Variants in KIAA1549 observed in about 807,000 individuals in gnomAD.
The protein encoded by KIAA1549 is UPF0606 protein KIAA1549.
Under a neutral mutation model 156.4 loss-of-function variants are expected in KIAA1549, and 70 were observed. The observed-to-expected ratio is 0.45, with a 90% confidence interval of 0.37 to 0.55. KIAA1549 has a LOEUF of 0.55. Ranked by LOEUF, KIAA1549 falls within the 20% of genes least tolerant of loss-of-function variation. The pLI is 0.00. For synonymous variants in KIAA1549, 1,103 were observed against 1,066.4 expected, an observed-to-expected ratio of 1.03 and a Z score of -0.67; for missense variants, 2,428 against 2,540.9, an observed-to-expected ratio of 0.96 and a Z score of 0.96.
At chr7:138,844,675 C>T (rs1810022946) in intron 17 of KIAA1549, among the ~76,000 whole-genome samples, 1 of 152,148 alleles carries the variant, frequency 6.6e-6, no homozygotes, top group Non-Finnish European at 1.5e-5. Flanking sequence ...CTACCTCCAG[C>T]ACTAGAACAG....
intron 1 of KIAA1549, among the ~76,000 whole-genome samples, chr7:138,956,216 G>A (rs918634512): frequency 6.6e-6 from 1 of 152,204 alleles, no homozygotes; most frequent in South Asian, 2.1e-4. Flanking sequence ...CATGGAACAG[G>A]TCTGGAATGA....
chr7:138,959,336 T>C (rs1813767928), intron 1 of KIAA1549, among the ~76,000 whole-genome samples: 1 of 152,180 alleles, frequency 6.6e-6, no homozygotes, highest in Non-Finnish European at 1.5e-5. Context: ...TTTATCTACA[T>C]ATTCATGCAT....
At chr7:138,857,528 TC>T (rs1239108217) in intron 16 of KIAA1549, among the ~76,000 whole-genome samples, 3 of 152,344 alleles carry the variant, frequency 2.0e-5, no homozygotes, top group Non-Finnish European at 4.4e-5. Context: ...AAACTGTTTT[TC>T]AAAGTGGTTG....
intron 12 of KIAA1549, among the ~76,000 whole-genome samples, chr7:138,874,720 G>A (rs1811030717): frequency 6.6e-6 from 1 of 152,168 alleles, no homozygotes; most frequent in South Asian, 2.1e-4. Flanking sequence ...AGCACAACTA[G>A]AGGCTGGACA....
rs141494474 is a variant in KIAA1549 at position 138,893,381 on chromosome 7, G to T, written c.4032+961C>A. ...TTTGCTCTTCTCTAAGATAGGGAGT[G>T]GGGGGAGGTATTAAAAATCGAGAGA... On this transcript the variant is annotated intron_variant, in intron 10 of 19. Transcript: ENST00000422774. Among the ~76,000 whole-genome samples the T allele has an allele frequency of 9.9e-4, 151 of 151,862 alleles. 2 individuals are homozygous for T. In the East Asian group the frequency reaches 0.025, roughly 25 times the overall value.
intron 1 of KIAA1549, among the ~76,000 whole-genome samples, chr7:138,974,830 G>T (rs988447052): frequency 6.6e-6 from 1 of 150,952 alleles, no homozygotes; most frequent in African/African-American, 2.4e-5. Flanking sequence ...TATGGTTCTT[G>T]CACACTATTT....
chr7:138,869,664 A>G lies in KIAA1549; in HGVS notation c.4649T>C (p.Val1550Ala). Residue 1550 changes from valine (V) to alanine (A), a missense_variant, in exon 14 of 20, where the codon GTA (valine) becomes GCA (alanine). Val to Ala is a moderately conservative substitution (Grantham distance 64). Around this residue, in one of 5 missense-constraint regions of KIAA1549, gnomAD observed 404 missense variants for 417.0 expected, o/e 0.97. Coordinates refer to ENST00000422774, the MANE Select transcript of KIAA1549 (RefSeq NM_001164665.2). ...AGTGTCGCCCGAGGACAGGTCGTCT[A>G]CCACCGGGAACTCGTAGTGCCCGCG... is the stretch of plus-strand genomic sequence containing the variant. ...KRRGHYEFPV[V>A]DDLSSGDTKE... 7 of 1,612,236 alleles carry G rather than the reference A, an allele frequency of 4.3e-6. No individual in the cohort carries two copies. The highest frequency in any genetic ancestry group is 5.9e-6 in the Non-Finnish European group (7 of 1,179,796).
intron 1 of KIAA1549, among the ~76,000 whole-genome samples, chr7:138,950,793 G>A (rs1813473594): frequency 6.6e-6 from 1 of 152,058 alleles, no homozygotes; most frequent in Non-Finnish European, 1.5e-5. Context: ...GATCTCCCCG[G>A]GGGCTGAAAC....
intron 1 of KIAA1549, among the ~76,000 whole-genome samples, chr7:138,978,290 C>T (rs541846568): frequency 1.8e-4 from 28 of 152,208 alleles, no homozygotes; most frequent in African/African-American, 6.5e-4. Flanking sequence ...AAATTCCCTA[C>T]AAAGCAATCT....
chr7:138,902,267 G>A (rs977063522), intron 8 of KIAA1549, among the ~76,000 whole-genome samples: 2 of 152,130 alleles, frequency 1.3e-5, no homozygotes, highest in African/African-American at 2.4e-5. Context: ...GCTAGAGGAC[G>A]ATGATGCAGT....
intron 15 of KIAA1549, among the ~76,000 whole-genome samples, chr7:138,867,023 C>T (rs1483020955): frequency 6.6e-6 from 1 of 151,954 alleles, no homozygotes; most frequent in East Asian, 1.9e-4. Flanking sequence ...GGCTGGTCTC[C>T]AACACCTGGG....
chr7:138,940,388 C>A (rs1303805443), intron 1 of KIAA1549, among the ~76,000 whole-genome samples: 1 of 150,796 alleles, frequency 6.6e-6, no homozygotes, highest in Non-Finnish European at 1.5e-5. Flanking sequence ...TGTATATGTG[C>A]CACATTTTCT....
chr7:138,838,122 C>A lies in KIAA1549; in HGVS notation c.5637G>T (p.Pro1879=). Residue 1879 remains proline (P), a synonymous_variant, in exon 20 of 20, where the codon CCG becomes CCT. Transcript: ENST00000422774. ...MLGHQEYSSS[P]LFQVPRTSGR... ...CTGAAGTCCTTGGCACCTGAAATAG[C>A]GGTGAAGAAGAATACTCTTGATGTC... 6.5e-7 allele frequency: 1 copy of A among 1,529,008 alleles called. No individual in the cohort carries two copies. The allele number at this position is 1,529,008 out of a possible 1,614,324, so 94.7% of individuals were successfully genotyped here.
intron 1 of KIAA1549, among the ~76,000 whole-genome samples, chr7:138,941,813 A>T (rs56293334): frequency 0.063 from 9,568 of 152,272 alleles, 351 homozygotes; most frequent in East Asian, 0.13. Flanking sequence ...AGGGAAGGGA[A>T]GCAGGAGACA....
intron 18 of KIAA1549, among the ~76,000 whole-genome samples, chr7:138,841,192 T>C (rs930303645): frequency 6.6e-5 from 10 of 152,244 alleles, no homozygotes; most frequent in African/African-American, 2.2e-4. Flanking sequence ...AGCCTGGCTC[T>C]TTCTTGCTTG....
At chr7:138,839,260 G>A (rs909404758) in intron 19 of KIAA1549, among the ~76,000 whole-genome samples, 2 of 152,100 alleles carry the variant, frequency 1.3e-5, no homozygotes, top group Non-Finnish European at 2.9e-5. Flanking sequence ...GTAGCATAAC[G>A]ATAAGGAGAA....
chr7:138,914,286 G>C (rs1379711630), intron 2 of KIAA1549, among the ~76,000 whole-genome samples: 1 of 152,200 alleles, frequency 6.6e-6, no homozygotes, highest in African/African-American at 2.4e-5. Context: ...GAGGACACCA[G>C]TCTTTGGGAA....
At chr7:138,955,817 T>C (rs1008031764) in intron 1 of KIAA1549, among the ~76,000 whole-genome samples, 16 of 152,224 alleles carry the variant, frequency 1.1e-4, no homozygotes, top group Non-Finnish European at 2.4e-4. Flanking sequence ...GGACCATTTA[T>C]AATCAGAGAC....
At chr7:138,878,255 G>C (rs896821436) in intron 12 of KIAA1549, among the ~76,000 whole-genome samples, 4 of 152,130 alleles carry the variant, frequency 2.6e-5, no homozygotes, top group Non-Finnish European at 5.9e-5. Flanking sequence ...GGCCACAAGC[G>C]TGTCAGTGAG....
Sources: gnomAD v4.1 joint callset for allele counts (sites outside exome capture counted in the v4.1 genomes callset) on GRCh38, gnomAD v4.1.1 for gene constraint, gnomAD v4.1.1 regional missense constraint, MANE v1.5 for transcripts, NCBI Gene and HGNC (gene_info 2026-07-23, HGNC 2026-07-21) for gene names.